The following CHN2 variants were observed in gnomAD, a reference collection of about 807,000 sequenced individuals.
CHN2 encodes beta-chimaerin.
CHN2 carries 35 observed loss-of-function variants against 56.3 expected under a neutral mutation model. The ratio of observed to expected loss-of-function variants is 0.62; its 90% CI spans 0.47 to 0.82. CHN2 has a LOEUF of 0.82. Ranked by LOEUF, CHN2 falls within the 40% of genes least tolerant of loss-of-function variation. The pLI is 0.00. For synonymous variants in CHN2, 210 were observed against 212.8 expected, an observed-to-expected ratio of 0.99 and a Z score of 0.12; for missense variants, 491 against 580.5, an observed-to-expected ratio of 0.85 and a Z score of 1.58.
At chr7:29,204,553 C>T (rs988324065) in intron 1 of CHN2, among the ~76,000 whole-genome samples, 1 of 152,120 alleles carries the variant, frequency 6.6e-6, no homozygotes, top group Non-Finnish European at 1.5e-5. Context: ...TTTTCATATA[C>T]ACAGAGAGCA....
chr7:29,228,540 G>T (rs1786411284), intron 1 of CHN2, among the ~76,000 whole-genome samples: 1 of 152,134 alleles, frequency 6.6e-6, no homozygotes, highest in Non-Finnish European at 1.5e-5. Context: ...ACAAATGACT[G>T]TATACATATA....
At chr7:29,427,181 G>A (rs73080587) in intron 6 of CHN2, among the ~76,000 whole-genome samples, 1 of 152,186 alleles carries the variant, frequency 6.6e-6, no homozygotes, top group East Asian at 1.9e-4. Flanking sequence ...AGTTGGGTAT[G>A]GTGCACATGC....
chr7:29,487,530 A>G (rs541243907), intron 7 of CHN2, among the ~76,000 whole-genome samples: 124 of 152,284 alleles, frequency 8.1e-4, no homozygotes, highest in Non-Finnish European at 2.4e-4. Context: ...CTTAAGCTAA[A>G]TAGACTATTA....
chr7:29,410,741 G>A (rs1803130361), intron 6 of CHN2, among the ~76,000 whole-genome samples: 1 of 152,134 alleles, frequency 6.6e-6, no homozygotes, highest in South Asian at 2.1e-4. Context: ...AAAGTTGAAG[G>A]AGAGTGTTAT....
chr7:29,287,837 G>T (rs1016546076), intron 1 of CHN2, among the ~76,000 whole-genome samples: 1 of 151,950 alleles, frequency 6.6e-6, no homozygotes, highest in African/African-American at 2.4e-5. Context: ...CTTGATTATT[G>T]TCCAGCAATG....
intron 1 of CHN2, among the ~76,000 whole-genome samples, chr7:29,274,941 G>A (rs1185495393): frequency 1.3e-5 from 2 of 152,146 alleles, no homozygotes; most frequent in Non-Finnish European, 2.9e-5. Flanking sequence ...GGTGTGGGAG[G>A]AGGGTGTTGG....
At chr7:29,346,056 A>G (rs1432229851) in intron 1 of CHN2, among the ~76,000 whole-genome samples, 1 of 152,146 alleles carries the variant, frequency 6.6e-6, no homozygotes, top group Non-Finnish European at 1.5e-5. Flanking sequence ...ATGGATGTCT[A>G]ATTTCTCAGG....
At chr7:29,313,957 G>A (rs947266603) in intron 1 of CHN2, among the ~76,000 whole-genome samples, 1 of 152,104 alleles carries the variant, frequency 6.6e-6, no homozygotes, top group African/African-American at 2.4e-5. Flanking sequence ...ATTCCTGGTG[G>A]CCTCTTTTTA....
chr7:29,293,249 C>T (rs755860072), intron 1 of CHN2, among the ~76,000 whole-genome samples: 6 of 152,070 alleles, frequency 3.9e-5, no homozygotes, highest in Non-Finnish European at 8.8e-5. Context: ...TCCCCTTGGC[C>T]CTGCTGACAA....
chr7:29,203,039 A>G (rs554043432), intron 1 of CHN2, among the ~76,000 whole-genome samples: 24 of 152,362 alleles, frequency 1.6e-4, no homozygotes, highest in African/African-American at 5.8e-4. Flanking sequence ...CCGTTGAAAC[A>G]TGGCTAGTCT....
At chr7:29,278,212 T>C (rs1414686404) in intron 1 of CHN2, among the ~76,000 whole-genome samples, 2 of 152,168 alleles carry the variant, frequency 1.3e-5, no homozygotes, top group African/African-American at 4.8e-5. Flanking sequence ...AAAAAGTACT[T>C]ATGCCTGGGT....
At chr7:29,494,954 A>G (rs1454391480) in intron 7 of CHN2, among the ~76,000 whole-genome samples, 1 of 78,982 alleles carries the variant, frequency 1.3e-5, no homozygotes, top group African/African-American at 4.7e-5. Flanking sequence ...AGTTTGTAAA[A>G]AAAAAAAAAA....
At chr7:29,150,000 G>A (rs373063971) in intron 2 of CHN2, among the ~76,000 whole-genome samples, 6 of 152,326 alleles carry the variant, frequency 3.9e-5, no homozygotes, top group South Asian at 2.1e-4. Flanking sequence ...CCCTTCTCTT[G>A]TATTGAGAAT....
upstream of CHN2, among the ~76,000 whole-genome samples, chr7:29,190,906 T>C (rs1055796808): frequency 6.6e-6 from 1 of 151,412 alleles, no homozygotes; most frequent in African/African-American, 2.4e-5. Context: ...ATACAGGGGC[T>C]GGGCAAACAA....
At chr7:29,435,121 A>G (rs1783126733) in intron 6 of CHN2, among the ~76,000 whole-genome samples, 1 of 152,146 alleles carries the variant, frequency 6.6e-6, no homozygotes, top group South Asian at 2.1e-4. Flanking sequence ...GCAAACAAAC[A>G]AAAAAACCAA....
At position 29,257,827 on chromosome 7, in the gene CHN2, A is replaced by T. The variant is rs138394919; in HGVS notation, c.49+62837A>T. ...TTTTGAGACGGGGTCTCACTCTGTC[A>T]CTCAGGCTGGAGTGCAGTGGTGTGA... On this transcript the variant is annotated intron_variant, in intron 1 of 12. Transcript: ENST00000222792. 2.0e-5 allele frequency among the ~76,000 whole-genome samples: 3 copies of T among 152,068 alleles called. No homozygotes were observed. In the East Asian group the frequency reaches 5.8e-4, roughly 29 times the overall value.
At chr7:29,502,703 T>A (rs934512217) in intron 9 of CHN2, among the ~76,000 whole-genome samples, 2 of 152,036 alleles carry the variant, frequency 1.3e-5, no homozygotes, top group African/African-American at 4.8e-5. Flanking sequence ...TTAATTATAA[T>A]CCAAACCATA....
At chr7:29,208,123 A>G (rs1784656174) in intron 1 of CHN2, among the ~76,000 whole-genome samples, 1 of 152,170 alleles carries the variant, frequency 6.6e-6, no homozygotes, top group Non-Finnish European at 1.5e-5. Flanking sequence ...ACTTTCTGTT[A>G]ATTGGAGGAA....
chr7:29,212,838 C>T, intron 1 of CHN2: 1 of 1,608,652 alleles, frequency 6.2e-7, no homozygotes, highest in East Asian at 2.2e-5. Context: ...CACTACTCTT[C>T]CTACCACCAG....
Sources: allele counts gnomAD v4.1 joint callset (sites outside exome capture counted in the v4.1 genomes callset), GRCh38; gene constraint gnomAD v4.1.1; transcripts MANE v1.5; gene names NCBI Gene and HGNC (gene_info 2026-07-23, HGNC 2026-07-21).